Variants in ZNF362 observed in about 807,000 individuals in gnomAD.
ZNF362 encodes the protein zinc finger protein 362, also known as rotund homolog.
ZNF362 carries 11 observed loss-of-function variants against 42.9 expected under a neutral mutation model. The observed-to-expected ratio is 0.26, with a 90% CI of 0.16 to 0.42. The LOEUF (loss-of-function observed/expected upper bound fraction) is 0.42. Among genes scored for constraint, ZNF362 ranks in the 20% least tolerant of loss-of-function variants. The probability of loss-of-function intolerance (pLI) is 1.00; values close to 1 mark genes in which losing one functional copy is unlikely to be tolerated. For synonymous variants in ZNF362, 255 were observed against 257.3 expected (o/e 0.99, Z 0.09); for missense variants, 362 against 576.2 (o/e 0.63, Z 3.81).
At chr1:33,158,467 T>A in the ZNF362 span, 1 of 870,560 alleles carries the variant, frequency 1.1e-6, no homozygotes, top group Non-Finnish European at 1.9e-6. Flanking sequence ...GCATAGGATG[T>A]GGTCATGAGT....
chr1:33,273,172 G>T (rs181390753), intron 2 of ZNF362, among the ~76,000 whole-genome samples: 1 of 152,224 alleles, frequency 6.6e-6, no homozygotes, highest in Admixed American at 6.5e-5. Context: ...TGTCTGACAC[G>T]CAGGAAGAGC....
the ZNF362 span, among the ~76,000 whole-genome samples, chr1:33,243,688 C>A: frequency 6.6e-6 from 1 of 151,892 alleles, no homozygotes; most frequent in Non-Finnish European, 1.5e-5. Context: ...GCTCCGCCTC[C>A]CAGGTTCATG....
intron 1 of ZNF362, among the ~76,000 whole-genome samples, chr1:33,263,470 G>A (rs1645843001): frequency 6.6e-6 from 1 of 151,826 alleles, no homozygotes; most frequent in African/African-American, 2.4e-5. Context: ...GAGTGCAGTG[G>A]CACAATCTTG....
At chr1:33,268,140 C>T (rs1018606303) in intron 1 of ZNF362, among the ~76,000 whole-genome samples, 17 of 152,322 alleles carry the variant, frequency 1.1e-4, no homozygotes, top group Admixed American at 8.5e-4. Context: ...TGGGTTGGCT[C>T]GTCTTTAGAG....
At chr1:33,263,145 T>C (rs1645840536) in intron 1 of ZNF362, among the ~76,000 whole-genome samples, 1 of 152,246 alleles carries the variant, frequency 6.6e-6, no homozygotes, top group African/African-American at 2.4e-5. Flanking sequence ...TGAGATAACA[T>C]AGCCTCAAAT....
At chr1:33,240,657 T>C in the ZNF362 span, among the ~76,000 whole-genome samples, 2 of 152,152 alleles carry the variant, frequency 1.3e-5, no homozygotes, top group African/African-American at 4.8e-5. Flanking sequence ...ACAGAGTACA[T>C]TCATTTTGGT....
chr1:33,133,843 G>T, the ZNF362 span, among the ~76,000 whole-genome samples: 1 of 152,238 alleles, frequency 6.6e-6, no homozygotes, highest in African/African-American at 2.4e-5. Flanking sequence ...GTGGCCAATT[G>T]TTCTTCCCCT....
At chr1:33,174,799 G>A in the ZNF362 span, among the ~76,000 whole-genome samples, 1 of 152,098 alleles carries the variant, frequency 6.6e-6, no homozygotes, top group Admixed American at 6.5e-5. Context: ...TATCTTTCGG[G>A]ACCACACAGG....
At chr1:33,166,998 C>G in the ZNF362 span, among the ~76,000 whole-genome samples, 1 of 152,206 alleles carries the variant, frequency 6.6e-6, no homozygotes, top group African/African-American at 2.4e-5. Context: ...AACACCCTCC[C>G]CCATCACTCC....
At position 33,270,554 on chromosome 1, in the gene ZNF362, A is replaced by T. The variant is rs768197053; in HGVS notation, c.-21A>T. The T allele has an allele frequency of 6.5e-7, 1 of 1,535,058 alleles. No individual in the cohort carries two copies. The highest frequency in any genetic ancestry group is 1.7e-5 in the Admixed American group (1 of 59,542). The stretch of plus-strand genomic sequence containing the variant: ...GGGAAAGCTCCGTAGAAGAGGGAAC[A>T]CTTGAGCTGGGTCTTGAAGGATGAG... On this transcript the variant is annotated 5_prime_UTR_variant, in exon 2 of 9. Transcript: ENST00000539719.
the ZNF362 span, among the ~76,000 whole-genome samples, chr1:33,186,713 C>T: frequency 1.1e-4 from 16 of 140,918 alleles, no homozygotes; most frequent in South Asian, 3.7e-3. Flanking sequence ...GGTTGAGGCA[C>T]GAGAATCACC....
At chr1:33,184,386 T>C in the ZNF362 span, among the ~76,000 whole-genome samples, 2 of 152,230 alleles carry the variant, frequency 1.3e-5, no homozygotes, top group Non-Finnish European at 2.9e-5. Context: ...TGTTCTTCTA[T>C]GTAGTAGAGT....
chr1:33,241,093 C>G, the ZNF362 span, among the ~76,000 whole-genome samples: 40 of 148,230 alleles, frequency 2.7e-4, no homozygotes, highest in Non-Finnish European at 3.4e-4. Flanking sequence ...ATTCCCCCGC[C>G]CCGCCCCACT....
chr1:33,213,402 A>T, the ZNF362 span, among the ~76,000 whole-genome samples: 2 of 152,326 alleles, frequency 1.3e-5, no homozygotes, highest in African/African-American at 4.8e-5. Flanking sequence ...TTGTTTGTCA[A>T]TTGTATTTCA....
the ZNF362 span, among the ~76,000 whole-genome samples, chr1:33,196,695 ACAG>A: frequency 6.6e-6 from 1 of 152,076 alleles, no homozygotes; most frequent in East Asian, 1.9e-4. Flanking sequence ...TAAACCAGTA[ACAG>A]CTGTTTATTA....
intron 1 of ZNF362, among the ~76,000 whole-genome samples, chr1:33,264,380 C>T (rs1242701278): frequency 6.6e-6 from 1 of 152,134 alleles, no homozygotes; most frequent in African/African-American, 2.4e-5. Context: ...CTCCCTTAGG[C>T]CTTAGAGAAC....
chr1:33,130,857 G>A, the ZNF362 span, among the ~76,000 whole-genome samples: 8 of 152,212 alleles, frequency 5.3e-5, no homozygotes, highest in African/African-American at 1.4e-4. Context: ...GGCTGTGCAG[G>A]TGAAGAGCAG....
the ZNF362 span, among the ~76,000 whole-genome samples, chr1:33,208,703 G>T: frequency 1.3e-5 from 2 of 152,114 alleles, no homozygotes; most frequent in African/African-American, 4.8e-5. Context: ...TTGTGAATAG[G>T]AGTTCACTCA....
the ZNF362 span, among the ~76,000 whole-genome samples, chr1:33,212,680 C>T: frequency 6.6e-6 from 1 of 151,922 alleles, no homozygotes; most frequent in African/African-American, 2.4e-5. Flanking sequence ...TGGGGAGGTG[C>T]CACACACTTT....
Sources: allele counts gnomAD v4.1 joint callset (sites outside exome capture counted in the v4.1 genomes callset), GRCh38; gene constraint gnomAD v4.1.1; transcripts MANE v1.5; gene names NCBI Gene and HGNC (gene_info 2026-07-23, HGNC 2026-07-21).